FARP1: variants seen among roughly 807,000 people sequenced by gnomAD.
The protein encoded by FARP1 is FERM, ARHGEF and pleckstrin domain-containing protein 1.
Under a neutral mutation model 128.8 loss-of-function variants are expected in FARP1, and 52 were observed. That is an observed-to-expected ratio of 0.40 (90% confidence interval 0.32 to 0.51). The LOEUF (loss-of-function observed/expected upper bound fraction) is 0.51, where lower values mean the gene tolerates loss of function less well. Ranked by LOEUF, FARP1 falls within the 20% of genes least tolerant of loss-of-function variation. The pLI, the probability that FARP1 is intolerant of heterozygous loss-of-function variation, is 0.45. For missense variants in FARP1, 1,333 were observed against 1,367.9 expected (o/e 0.97, Z 0.40); for synonymous variants, 580 against 551.8 (o/e 1.05, Z -0.72).
chr13:98,245,547 T>G lies in FARP1; in HGVS notation c.171+32134T>G, dbSNP rs150997345. Among the ~76,000 whole-genome samples the G allele has an allele frequency of 8.0e-3, 1,213 of 152,288 alleles. 23 individuals are homozygous for G. Among genetic ancestry groups the G allele is most frequent in the African/African-American group, 0.027 (1,137 of 41,536 alleles). On this transcript the variant is annotated intron_variant, in intron 2 of 26. Transcript: ENST00000319562. Reference sequence around the variant, plus strand: ...TAATTTTTAAAAAGCCTCCCCCAGTTTTCCTTCCTAAAGGAAGTGGATGAT... The same window carrying G: ...TAATTTTTAAAAAGCCTCCCCCAGTGTTCCTTCCTAAAGGAAGTGGATGAT...
intron 2 of FARP1, among the ~76,000 whole-genome samples, chr13:98,256,963 AT>A (rs1883640952): frequency 8.4e-6 from 1 of 119,574 alleles, no homozygotes; most frequent in Non-Finnish European, 1.7e-5. Flanking sequence ...ATATATATAT[AT>A]ATATATATAT....
intron 26 of FARP1, 164 bp downstream of exon 26, chr13:98,446,981 C>T: frequency 2.9e-6 from 2 of 693,582 alleles, no homozygotes; most frequent in South Asian, 1.9e-5. Context: ...CGATTCTGTT[C>T]TCATGGCAGA....
At chr13:98,154,992 G>A (rs929317323) in intron 1 of FARP1, among the ~76,000 whole-genome samples, 4 of 152,108 alleles carry the variant, frequency 2.6e-5, no homozygotes, top group African/African-American at 7.2e-5. Flanking sequence ...GTAGAGGATC[G>A]CTTGAGCCCA....
chr13:98,153,439 A>G (rs1876210595), intron 1 of FARP1, among the ~76,000 whole-genome samples: 1 of 139,882 alleles, frequency 7.1e-6, no homozygotes. Context: ...TTATATATAA[A>G]TATGTATAAT....
intron 2 of FARP1, among the ~76,000 whole-genome samples, chr13:98,220,475 T>C (rs1251872774): frequency 6.6e-6 from 1 of 152,208 alleles, no homozygotes; most frequent in African/African-American, 2.4e-5. Context: ...CGTTTCTTTT[T>C]TCTTATCACT....
chr13:98,214,147 C>A (rs1292484059), intron 2 of FARP1, among the ~76,000 whole-genome samples: 1 of 152,234 alleles, frequency 6.6e-6, no homozygotes, highest in Non-Finnish European at 1.5e-5. Flanking sequence ...TTCTGCTGTT[C>A]TTCTCCGAGC....
chr13:98,272,600 T>C (rs1884442973), intron 2 of FARP1, among the ~76,000 whole-genome samples: 1 of 152,128 alleles, frequency 6.6e-6, no homozygotes, highest in Admixed American at 6.5e-5. Context: ...TTGGTTGCAG[T>C]TTTGCCAGCT....
At chr13:98,434,188 C>A (rs150981924) in intron 18 of FARP1, 25 of 152,342 alleles carry the variant, frequency 1.6e-4, no homozygotes, top group African/African-American at 6.0e-4. Flanking sequence ...AAGGGCTGTT[C>A]CCAGCACGCC....
intron 2 of FARP1, among the ~76,000 whole-genome samples, chr13:98,254,531 G>A (rs1028265560): frequency 1.3e-5 from 2 of 152,184 alleles, no homozygotes; most frequent in African/African-American, 4.8e-5. Context: ...AATTGTGTCT[G>A]TTGTATTTGT....
chr13:98,221,877 C>T (rs1399554959), intron 2 of FARP1, among the ~76,000 whole-genome samples: 1 of 152,142 alleles, frequency 6.6e-6, no homozygotes, highest in Non-Finnish European at 1.5e-5. Context: ...GCTGGATGCT[C>T]TTGTGTTAGA....
chr13:98,242,442 G>A (rs1488473732), intron 2 of FARP1, among the ~76,000 whole-genome samples: 2 of 152,144 alleles, frequency 1.3e-5, no homozygotes, highest in African/African-American at 4.8e-5. Context: ...TTGTGAGGCC[G>A]AGGTGAGAAG....
At position 98,440,588 on chromosome 13, in the gene FARP1, A is replaced by G. The variant is rs1594542211; in HGVS notation, c.2630-82A>G. ...AGGTTGTGACTGCTGTGAGCCCCCC[A>G]ACCTTCCAGCACCTCAGAGTGTATC... On this transcript the variant is annotated intron_variant, in intron 23 of 26. Coordinates refer to ENST00000319562, the MANE Select transcript of FARP1 (RefSeq NM_005766.4). 5.5e-6 allele frequency: 8 copies of G among 1,451,068 alleles called. No homozygotes were observed. In the East Asian group the frequency reaches 1.8e-4, roughly 33 times the overall value. 89.9% of individuals were successfully genotyped at this position (1,451,068 alleles called of 1,614,324 possible).
intron 24 of FARP1, chr13:98,445,306 G>C (rs947283843): frequency 1.8e-4 from 28 of 152,420 alleles, no homozygotes; most frequent in African/African-American, 6.7e-4. Flanking sequence ...CAACTGCTTT[G>C]AGTCTCTGCT....
chr13:98,431,411 C>G, intron 18 of FARP1, 131 bp downstream of exon 18: 1 of 592,968 alleles, frequency 1.7e-6, no homozygotes, highest in Non-Finnish European at 2.9e-6. Context: ...AGGTTTTCAT[C>G]AGGGTGGGCG....
At chr13:98,198,988 A>G (rs1203526669) in intron 1 of FARP1, among the ~76,000 whole-genome samples, 2 of 16,176 alleles carry the variant, frequency 1.2e-4, no homozygotes, top group Admixed American at 8.6e-4. Flanking sequence ...CTGAGGCTGG[A>G]GGATTACTGA....
chr13:98,166,422 G>C (rs1399022743), intron 1 of FARP1, among the ~76,000 whole-genome samples: 1 of 152,176 alleles, frequency 6.6e-6, no homozygotes, highest in African/African-American at 2.4e-5. Flanking sequence ...CTTACTTTGT[G>C]CTAGAAACTA....
At chr13:98,376,760 T>A (rs1336225910) in intron 5 of FARP1, among the ~76,000 whole-genome samples, 37 of 9,340 alleles carry the variant, frequency 4.0e-3, no homozygotes, top group South Asian at 0.012. Context: ...GTTTTTTGTG[T>A]TTTTTTTTTT....
intron 7 of FARP1, among the ~76,000 whole-genome samples, chr13:98,385,250 T>C (rs1257474536): frequency 6.6e-6 from 1 of 152,224 alleles, no homozygotes; most frequent in Non-Finnish European, 1.5e-5. Flanking sequence ...GTACTTTTGG[T>C]TGTTGTTTTA....
At chr13:98,236,046 A>G (rs1326191107) in intron 2 of FARP1, among the ~76,000 whole-genome samples, 2 of 151,916 alleles carry the variant, frequency 1.3e-5, no homozygotes, top group Non-Finnish European at 2.9e-5. Context: ...CTGGTCTCGA[A>G]CTCCCGACCT....
Sources: allele counts gnomAD v4.1 joint callset (sites outside exome capture counted in the v4.1 genomes callset), GRCh38; gene constraint gnomAD v4.1.1; transcripts MANE v1.5; gene names NCBI Gene and HGNC (gene_info 2026-07-23, HGNC 2026-07-21).